ST7L: variants seen among roughly 807,000 people sequenced by gnomAD.
ST7L encodes the protein suppressor of tumorigenicity 7 protein-like.
ST7L carries 57 observed loss-of-function variants against 72.5 expected under a neutral mutation model. The observed-to-expected ratio is 0.79, with a 90% confidence interval of 0.64 to 0.98. The LOEUF is 0.98. Ranked by LOEUF, ST7L falls within the 50% of genes least tolerant of loss-of-function variation. ST7L has a pLI of 0.00. For missense variants in ST7L, 576 were observed against 672.2 expected (o/e 0.86, Z 1.58); for synonymous variants, 221 against 240.9 (o/e 0.92, Z 0.77).
chr1:112,619,183 G>A (rs955758030), upstream of ST7L: 14 of 1,457,714 alleles, frequency 9.6e-6, no homozygotes, highest in African/African-American at 1.5e-4. Context: ...GGGAATCCTG[G>A]GATAGTGGCG....
chr1:112,580,181 C>CT (rs1370298696), intron 9 of ST7L, among the ~76,000 whole-genome samples: 1 of 152,124 alleles, frequency 6.6e-6, no homozygotes, highest in African/African-American at 2.4e-5. Flanking sequence ...TAGGGTCTCA[C>CT]TCTGTCACCC....
chr1:112,542,413 C>T (rs1192928306), intron 13 of ST7L, among the ~76,000 whole-genome samples: 1 of 152,026 alleles, frequency 6.6e-6, no homozygotes, highest in Non-Finnish European at 1.5e-5. Flanking sequence ...AGTTGCTAAA[C>T]CCTCTAGAAG....
At chr1:112,546,252 G>A (rs1182395462) in intron 13 of ST7L, among the ~76,000 whole-genome samples, 3 of 147,684 alleles carry the variant, frequency 2.0e-5, no homozygotes, top group South Asian at 2.1e-4. Flanking sequence ...CTGAGAAGTC[G>A]AAGCTGCAGT....
Position 112,584,106 on chromosome 1 carries a change from A to T in ST7L, c.722T>A (p.Leu241Gln). 6.2e-7 allele frequency: 1 copy of T among 1,613,956 alleles called. No homozygotes were observed. The highest frequency in any genetic ancestry group is 8.5e-7 in the Non-Finnish European group (1 of 1,179,990). ...LNNDCATAYV[L>Q]LAEEEATTIV... ...AGTTGTTGCTTCTTCCTCAGCCAGT[A>T]GAACATATGCAGTGGCACAGCTATG... The change falls in exon 7 of 15, where the codon CTA (leucine) becomes CAA (glutamine). Residue 241 changes from leucine (L) to glutamine (Q), a missense_variant. Leu to Gln is a moderately radical substitution (Grantham distance 113). Transcript: ENST00000358039.
chr1:112,566,297 C>CTTT (rs71084471), intron 11 of ST7L, among the ~76,000 whole-genome samples: 134 of 105,894 alleles, frequency 1.3e-3, no homozygotes, highest in South Asian at 2.0e-3. Flanking sequence ...TCTTCTTCTT[C>CTTT]TTTTTTTTTT....
At chr1:112,617,353 G>A (rs1451274121) in intron 1 of ST7L, 1 of 154,070 alleles carries the variant, frequency 6.5e-6, no homozygotes, top group Non-Finnish European at 1.4e-5. Flanking sequence ...CTGAGTTACT[G>A]AAATCCTGGA....
intron 14 of ST7L, among the ~76,000 whole-genome samples, chr1:112,536,410 C>T (rs1462638729): frequency 1.3e-5 from 2 of 152,020 alleles, no homozygotes; most frequent in Non-Finnish European, 2.9e-5. Flanking sequence ...TGTTTATTAA[C>T]TCCCCCGGTT....
At chr1:112,548,999 TTGTGTGTG>T (rs71081247) in intron 13 of ST7L, among the ~76,000 whole-genome samples, 5 of 148,812 alleles carry the variant, frequency 3.4e-5, no homozygotes, top group African/African-American at 9.9e-5. Flanking sequence ...GCTTGTTACT[TTGTGTGTG>T]TGTGTGTGTG....
chr1:112,601,236 AAC>A (rs1483825064), intron 3 of ST7L, among the ~76,000 whole-genome samples: 8 of 152,098 alleles, frequency 5.3e-5, no homozygotes, highest in Non-Finnish European at 7.4e-5. Context: ...ACTCTGTAAT[AAC>A]AGACATGTTT....
chr1:112,563,184 T>C (rs1201543147), intron 11 of ST7L, among the ~76,000 whole-genome samples: 3 of 151,958 alleles, frequency 2.0e-5, no homozygotes, highest in South Asian at 4.1e-4. Context: ...ATGAGATAGA[T>C]GGCTAGATCT....
rs1483581083 is a variant in ST7L at position 112,556,982 on chromosome 1, AAAC to A, written c.1246-967_1246-965del. On this transcript the variant is annotated intron_variant, in intron 11 of 14. Transcript: ENST00000358039. The stretch of plus-strand genomic sequence containing the variant: ...ACTCTGTCTCAAAAAAAAAAAAAAA[AAAC>A]AAAAAAAAAAAAACACAAAGAAAAG... 8.5e-4 allele frequency among the ~76,000 whole-genome samples: 108 copies of A among 127,740 alleles called. 10 individuals carry two copies. The highest frequency in any genetic ancestry group is 2.7e-3 in the African/African-American group (65 of 24,030). 83.8% of individuals were successfully genotyped at this position (127,740 alleles called of 152,430 possible).
intron 13 of ST7L, among the ~76,000 whole-genome samples, chr1:112,548,531 A>G (rs1657546619): frequency 6.6e-6 from 1 of 152,204 alleles, no homozygotes; most frequent in Admixed American, 6.5e-5. Flanking sequence ...AATTTGCCAT[A>G]ATCTCTCCTA....
intron 9 of ST7L, among the ~76,000 whole-genome samples, chr1:112,579,875 G>T (rs898260670): frequency 6.6e-6 from 1 of 152,052 alleles, no homozygotes; most frequent in Admixed American, 6.6e-5. Context: ...AATGAATCAG[G>T]TCCTATTCCA....
chr1:112,592,507 C>T (rs150708726), intron 5 of ST7L, among the ~76,000 whole-genome samples: 11 of 152,318 alleles, frequency 7.2e-5, no homozygotes, highest in South Asian at 2.1e-4. Flanking sequence ...TGCCACCTAA[C>T]GCTTCCTGAA....
intron 14 of ST7L, among the ~76,000 whole-genome samples, chr1:112,534,943 A>T (rs918642536): frequency 6.7e-6 from 1 of 150,004 alleles, no homozygotes; most frequent in Non-Finnish European, 1.5e-5. Flanking sequence ...ATGATTAAAC[A>T]TATGTGAAAC....
intron 4 of ST7L, among the ~76,000 whole-genome samples, chr1:112,599,601 T>C (rs1037362259): frequency 6.6e-6 from 1 of 152,194 alleles, no homozygotes; most frequent in Non-Finnish European, 1.5e-5. Flanking sequence ...GAAGCGGCAA[T>C]ATGAAGTCAA....
downstream of ST7L, chr1:112,520,696 G>C (rs1366809958): frequency 1.6e-6 from 1 of 634,682 alleles, no homozygotes; most frequent in African/African-American, 1.8e-5. Context: ...GGAGTTGTCA[G>C]GGGATATAAG....
At chr1:112,592,687 C>A (rs1571212103) in intron 5 of ST7L, among the ~76,000 whole-genome samples, 1 of 152,160 alleles carries the variant, frequency 6.6e-6, no homozygotes, top group African/African-American at 2.4e-5. Flanking sequence ...CAAATTTTAA[C>A]ACTGAATCTT....
intron 12 of ST7L, among the ~76,000 whole-genome samples, chr1:112,554,565 G>A (rs953377155): frequency 2.0e-5 from 3 of 152,082 alleles, no homozygotes; most frequent in Non-Finnish European, 4.4e-5. Flanking sequence ...AAACACTACT[G>A]AGCTTCCTTA....
Sources: allele counts gnomAD v4.1 joint callset (sites outside exome capture counted in the v4.1 genomes callset), GRCh38; gene constraint gnomAD v4.1.1; transcripts MANE v1.5; gene names NCBI Gene and HGNC (gene_info 2026-07-23, HGNC 2026-07-21).